The following SOX5 variants were observed in gnomAD, a reference collection of about 807,000 sequenced individuals.
The protein encoded by SOX5 is SRY-box transcription factor 5, also known as transcription factor SOX-5.
A neutral mutation model predicts 92.0 loss-of-function variants in SOX5; 9 were observed. That is an observed-to-expected ratio of 0.10 (90% CI 0.06 to 0.17). The LOEUF (loss-of-function observed/expected upper bound fraction) is 0.17. Among genes scored for constraint, SOX5 ranks in the 10% least tolerant of loss-of-function variants. The pLI, the probability that SOX5 is intolerant of heterozygous loss-of-function variation, is 1.00. For missense variants in SOX5, 642 were observed against 944.5 expected, an observed-to-expected ratio of 0.68 and a Z score of 4.20; for synonymous variants, 344 against 336.3, an observed-to-expected ratio of 1.02 and a Z score of -0.25.
chr12:23,545,428 A>T (rs554016438), intron 12 of SOX5, among the ~76,000 whole-genome samples: 1 of 152,306 alleles, frequency 6.6e-6, no homozygotes, highest in South Asian at 2.1e-4. Flanking sequence ...CGCTATTAAA[A>T]ATCAGAGTAT....
Position 23,640,906 on chromosome 12 carries a change from G to C in SOX5, c.932-9C>G, listed in dbSNP as rs1403437051. On this transcript the variant is annotated splice_polypyrimidine_tract_variant and intron_variant, in intron 7 of 14. Transcript: ENST00000451604. ...AACAGGGTAAGGGTCACCTAAGTAA[G>C]AGAATAATAGAGGCGTCAGCACCTT... The C allele has an allele frequency of 6.3e-7, 1 of 1,582,222 alleles. No homozygotes were observed. Among genetic ancestry groups the C allele is most frequent in the Non-Finnish European group, 8.7e-7 (1 of 1,154,720 alleles).
chr12:23,804,937 A>G (rs1425404571), intron 3 of SOX5, among the ~76,000 whole-genome samples: 1 of 31,350 alleles, frequency 3.2e-5, no homozygotes, highest in East Asian at 2.7e-3. Flanking sequence ...ATATATATAT[A>G]TATATATATA....
At chr12:23,609,109 A>T (rs1043333759) in intron 8 of SOX5, among the ~76,000 whole-genome samples, 1 of 152,144 alleles carries the variant, frequency 6.6e-6, no homozygotes, top group African/African-American at 2.4e-5. Context: ...AGGCAGTACA[A>T]TTAAAAGAAA....
At chr12:24,532,462 C>T (rs1172836720) in intron 1 of SOX5, among the ~76,000 whole-genome samples, 1 of 152,208 alleles carries the variant, frequency 6.6e-6, no homozygotes, top group Non-Finnish European at 1.5e-5. Flanking sequence ...TTTATATTCC[C>T]TCCAGATTCC....
chr12:23,896,415 AAAG>A (rs1433660231), intron 1 of SOX5, among the ~76,000 whole-genome samples: 2 of 152,198 alleles, frequency 1.3e-5, no homozygotes, highest in East Asian at 1.9e-4. Context: ...TGGCAGTTTA[AAAG>A]AAGAGAAATA....
intron 3 of SOX5, among the ~76,000 whole-genome samples, chr12:23,765,754 T>C (rs2094705351): frequency 6.6e-6 from 1 of 152,178 alleles, no homozygotes; most frequent in African/African-American, 2.4e-5. Context: ...GATACTGCCA[T>C]CTTCTTTATT....
chr12:24,394,649 A>G (rs1159099655), intron 1 of SOX5, among the ~76,000 whole-genome samples: 1 of 152,196 alleles, frequency 6.6e-6, no homozygotes, highest in African/African-American at 2.4e-5. Context: ...CCATATCTCT[A>G]TCTGATTGTG....
chr12:23,991,155 A>G (rs1286149446), intron 4 of SOX5, among the ~76,000 whole-genome samples: 5 of 150,552 alleles, frequency 3.3e-5, no homozygotes, highest in African/African-American at 1.2e-4. Context: ...GGAGTTCAAG[A>G]CCAGCCTGGG....
intron 8 of SOX5, among the ~76,000 whole-genome samples, chr12:23,612,227 T>G (rs2076054524): frequency 6.6e-6 from 1 of 151,988 alleles, no homozygotes; most frequent in Non-Finnish European, 1.5e-5. Context: ...TATGTAAAAT[T>G]TATTGATATA....
rs1032670864 is a variant in SOX5, at chr12:23,803,080, C to A, written c.481+42903G>T. ...TCCGAATGTGCCAGAATTAGCTTCT[C>A]TACAAGATTCCATCATGCTTCTCTA... On this transcript the variant is annotated intron_variant, in intron 3 of 14. Transcript: ENST00000451604. Among the ~76,000 whole-genome samples the A allele has an allele frequency of 3.5e-4, 53 of 152,202 alleles. 2 individuals are homozygous for A.
chr12:24,416,713 C>A (rs764077584), intron 1 of SOX5, among the ~76,000 whole-genome samples: 1 of 152,080 alleles, frequency 6.6e-6, no homozygotes, highest in South Asian at 2.1e-4. Context: ...GTACTTTGAG[C>A]GATGATAGTC....
intron 1 of SOX5, among the ~76,000 whole-genome samples, chr12:24,505,852 T>TGTGTGTGTGC (rs1252814448): frequency 2.7e-5 from 4 of 146,224 alleles, no homozygotes; most frequent in South Asian, 2.2e-4. Flanking sequence ...TGTGTGTGTG[T>TGTGTGTGTGC]GCGTGTGTGT....
At chr12:23,579,396 T>C (rs1467689713) in intron 9 of SOX5, among the ~76,000 whole-genome samples, 4 of 152,182 alleles carry the variant, frequency 2.6e-5, no homozygotes, top group Admixed American at 2.0e-4. Flanking sequence ...ACTCACATTC[T>C]TGATCTTTAT....
intron 4 of SOX5, among the ~76,000 whole-genome samples, chr12:24,182,728 C>T (rs983913215): frequency 3.9e-5 from 6 of 152,054 alleles, no homozygotes; most frequent in African/African-American, 1.2e-4. Flanking sequence ...ATTGCTAATT[C>T]TTTGAGACAG....
chr12:23,593,697 A>G (rs978073025), intron 9 of SOX5, among the ~76,000 whole-genome samples: 2 of 152,094 alleles, frequency 1.3e-5, no homozygotes, highest in Non-Finnish European at 2.9e-5. Context: ...AATTTTTTTT[A>G]CCAAGAAAAT....
chr12:23,890,415 A>T (rs1214450470), intron 2 of SOX5, among the ~76,000 whole-genome samples: 2 of 152,142 alleles, frequency 1.3e-5, no homozygotes, highest in Non-Finnish European at 2.9e-5. Flanking sequence ...CTTTTTATTT[A>T]AAAAAATGAC....
chr12:23,780,128 C>T (rs1400982361), intron 3 of SOX5, among the ~76,000 whole-genome samples: 3 of 151,732 alleles, frequency 2.0e-5, no homozygotes, highest in Non-Finnish European at 4.4e-5. Context: ...TTAGGATTAT[C>T]TGTGCAATCT....
At chr12:23,679,870 A>C (rs2086297151) in intron 6 of SOX5, among the ~76,000 whole-genome samples, 1 of 152,182 alleles carries the variant, frequency 6.6e-6, no homozygotes, top group African/African-American at 2.4e-5. Context: ...AGATACCCAA[A>C]GATATCAAGG....
intron 1 of SOX5, among the ~76,000 whole-genome samples, chr12:24,543,445 G>A (rs545000394): frequency 2.8e-4 from 43 of 152,322 alleles, no homozygotes; most frequent in East Asian, 7.7e-4. Context: ...CGAGCACTTC[G>A]GGAGGCCGAG....
Sources: allele counts gnomAD v4.1 joint callset (sites outside exome capture counted in the v4.1 genomes callset), GRCh38; gene constraint gnomAD v4.1.1; transcripts MANE v1.5; gene names NCBI Gene and HGNC (gene_info 2026-07-23, HGNC 2026-07-21).